Variants in LINGO2 observed in about 807,000 individuals in gnomAD.
The protein encoded by LINGO2 is leucine rich repeat and Ig domain containing 2.
A neutral mutation model predicts 30.6 loss-of-function variants in LINGO2; 14 were observed. That is an observed-to-expected ratio of 0.46 (90% CI 0.30 to 0.72). LINGO2 has a LOEUF of 0.72. LINGO2 is among the 30% of genes least tolerant of loss of function. The pLI, the probability that LINGO2 is intolerant of heterozygous loss-of-function variation, is 0.07. For synonymous variants in LINGO2, 317 were observed against 288.5 expected, an observed-to-expected ratio of 1.10 and a Z score of -1.00; for missense variants, 729 against 751.7, an observed-to-expected ratio of 0.97 and a Z score of 0.35.
chr9:28,719,899 A>G, the LINGO2 span, among the ~76,000 whole-genome samples: 108 of 152,140 alleles, frequency 7.1e-4, no homozygotes, highest in South Asian at 2.9e-3. Flanking sequence ...AATTGCATGA[A>G]CTCAAATTAA....
At chr9:28,160,917 C>A (rs1311074777) in intron 4 of LINGO2, among the ~76,000 whole-genome samples, 1 of 152,130 alleles carries the variant, frequency 6.6e-6, no homozygotes, top group Non-Finnish European at 1.5e-5. Flanking sequence ...CAATTCCCTT[C>A]TTAGCATTTG....
chr9:28,568,140 G>A (rs896260788), intron 1 of LINGO2, among the ~76,000 whole-genome samples: 2 of 152,122 alleles, frequency 1.3e-5, no homozygotes, highest in African/African-American at 4.8e-5. Flanking sequence ...ACCCATGGAT[G>A]ACAGTACCTT....
the LINGO2 span, among the ~76,000 whole-genome samples, chr9:28,725,789 C>T: frequency 6.9e-6 from 1 of 145,288 alleles, no homozygotes; most frequent in South Asian, 2.2e-4. Context: ...ATAAAGGAAA[C>T]TTAAAAATTA....
chr9:28,664,996 CATATATATATATATATATATATATATAT>C lies in LINGO2; in HGVS notation c.-365+5176_-365+5203del, dbSNP rs10527878. Among the ~76,000 whole-genome samples, 18 of 96,236 alleles carry C rather than the reference CATATATATATATATATATATATATATAT, an allele frequency of 1.9e-4. No individual in the cohort carries two copies. In the East Asian group the frequency reaches 1.9e-3, roughly 10 times the overall value. 63.1% of individuals were successfully genotyped at this position (96,236 alleles called of 152,430 possible). On this transcript the variant is annotated intron_variant, in intron 1 of 5. Coordinates refer to ENST00000379992, the Ensembl canonical transcript of LINGO2. ...TCTGTATTATTTATGTATGTGTTTA[CATATATATATATATATATATATATATAT>C]ATATATATATATATGTTATAAGCGA...
At chr9:28,496,734 A>G (rs2135293708) in intron 1 of LINGO2, among the ~76,000 whole-genome samples, 1 of 152,218 alleles carries the variant, frequency 6.6e-6, no homozygotes, top group African/African-American at 2.4e-5. Context: ...TCATTAGTTG[A>G]TGCAGTTTCT....
the LINGO2 span, among the ~76,000 whole-genome samples, chr9:29,021,949 A>G: frequency 2.6e-5 from 4 of 152,206 alleles, no homozygotes; most frequent in Non-Finnish European, 5.9e-5. Context: ...GTCATGAAAT[A>G]TCACAAAAAT....
the LINGO2 span, among the ~76,000 whole-genome samples, chr9:28,891,934 AT>A: frequency 6.7e-6 from 1 of 150,308 alleles, no homozygotes; most frequent in Non-Finnish European, 1.5e-5. Context: ...TACTTTTTTT[AT>A]AAACACTCTA....
At chr9:28,125,147 G>C (rs896391693) in intron 4 of LINGO2, among the ~76,000 whole-genome samples, 1 of 152,216 alleles carries the variant, frequency 6.6e-6, no homozygotes. Context: ...TGGGGATAGT[G>C]TAAGGAAGAA....
At chr9:28,139,016 G>C (rs1260669633) in intron 4 of LINGO2, among the ~76,000 whole-genome samples, 1 of 152,178 alleles carries the variant, frequency 6.6e-6, no homozygotes, top group Non-Finnish European at 1.5e-5. Context: ...AAAAAGGCCT[G>C]GCTTCTAGGA....
intron 4 of LINGO2, among the ~76,000 whole-genome samples, chr9:28,206,164 C>T (rs1350353322): frequency 1.9e-4 from 14 of 73,522 alleles, no homozygotes; most frequent in Non-Finnish European, 2.5e-4. Flanking sequence ...GACCCTGTTT[C>T]AAAAAAAAAA....
intron 1 of LINGO2, among the ~76,000 whole-genome samples, chr9:28,614,305 T>G (rs1318234850): frequency 6.6e-6 from 1 of 152,238 alleles, no homozygotes; most frequent in Non-Finnish European, 1.5e-5. Flanking sequence ...TGAATAAAAA[T>G]AGTGTGCTAT....
At chr9:28,496,525 T>A (rs10121259) in intron 1 of LINGO2, among the ~76,000 whole-genome samples, 109,699 of 149,644 alleles carry the variant, frequency 0.73, 40,559 homozygotes, top group East Asian at 0.84. Flanking sequence ...ATCTTCCTCC[T>A]TCCCTTTATT....
the LINGO2 span, among the ~76,000 whole-genome samples, chr9:29,006,716 T>C: frequency 1.3e-5 from 2 of 152,100 alleles, no homozygotes; most frequent in Non-Finnish European, 1.5e-5. Context: ...TGTCTACTTA[T>C]TAAATATTCA....
chr9:28,579,023 G>A (rs912533211), intron 1 of LINGO2, among the ~76,000 whole-genome samples: 1 of 150,090 alleles, frequency 6.7e-6, no homozygotes, highest in Non-Finnish European at 1.5e-5. Flanking sequence ...TTTGTAAGAT[G>A]TAATTATTTG....
At chr9:28,867,484 G>T in the LINGO2 span, among the ~76,000 whole-genome samples, 217 of 104,812 alleles carry the variant, frequency 2.1e-3, 1 homozygote, top group Non-Finnish European at 2.7e-3. Context: ...TTCAAGTAAA[G>T]AAAAAAAAAA....
At chr9:28,540,540 G>T (rs1362810629) in intron 1 of LINGO2, among the ~76,000 whole-genome samples, 1 of 152,114 alleles carries the variant, frequency 6.6e-6, no homozygotes, top group Non-Finnish European at 1.5e-5. Context: ...GGGATTACAG[G>T]TGTGAACCAC....
At chr9:28,787,695 T>G in the LINGO2 span, among the ~76,000 whole-genome samples, 1 of 152,292 alleles carries the variant, frequency 6.6e-6, no homozygotes, top group Admixed American at 6.5e-5. Flanking sequence ...TGGAAGGTTT[T>G]AATAAGATAA....
chr9:27,975,524 A>C (rs1489250097), intron 5 of LINGO2, among the ~76,000 whole-genome samples: 1 of 152,098 alleles, frequency 6.6e-6, no homozygotes, highest in Non-Finnish European at 1.5e-5. Flanking sequence ...GTGGAAAATC[A>C]ACAGTTGATT....
At chr9:29,060,955 C>G in the LINGO2 span, among the ~76,000 whole-genome samples, 1 of 151,540 alleles carries the variant, frequency 6.6e-6, no homozygotes, top group East Asian at 1.9e-4. Context: ...TAGATTACAG[C>G]AGAAAAAAAT....
Sources: allele counts gnomAD v4.1 joint callset (sites outside exome capture counted in the v4.1 genomes callset), GRCh38; gene constraint gnomAD v4.1.1; transcripts MANE v1.5; gene names NCBI Gene and HGNC (gene_info 2026-07-23, HGNC 2026-07-21).